Variants in MITF observed in about 807,000 individuals in gnomAD.
MITF encodes microphthalmia-associated transcription factor.
Under a neutral mutation model 60.5 loss-of-function variants are expected in MITF, and 17 were observed. That is an observed-to-expected ratio of 0.28 (90% confidence interval 0.19 to 0.42). The LOEUF (loss-of-function observed/expected upper bound fraction) is 0.42, where lower values mean the gene tolerates loss of function less well. MITF is among the 10% of genes least tolerant of loss of function. The pLI, the probability that MITF is intolerant of heterozygous loss-of-function variation, is 1.00. For synonymous variants in MITF, 260 were observed against 248.5 expected, an observed-to-expected ratio of 1.05 and a Z score of -0.43; for missense variants, 622 against 683.5, an observed-to-expected ratio of 0.91 and a Z score of 1.00.
At chr3:69,757,759 T>C (rs2062147808) in intron 1 of MITF, among the ~76,000 whole-genome samples, 1 of 152,074 alleles carries the variant, frequency 6.6e-6, no homozygotes, top group African/African-American at 2.4e-5. Context: ...GGAGTTATGG[T>C]TTGAGAATTA....
At chr3:69,895,655 A>T (rs1000735895) in intron 2 of MITF, among the ~76,000 whole-genome samples, 4 of 152,132 alleles carry the variant, frequency 2.6e-5, no homozygotes, top group African/African-American at 4.8e-5. Flanking sequence ...AATAAAGGCT[A>T]TGGATGCTTT....
At chr3:69,831,335 C>T (rs933954257) in intron 1 of MITF, among the ~76,000 whole-genome samples, 3 of 152,150 alleles carry the variant, frequency 2.0e-5, no homozygotes, top group Non-Finnish European at 4.4e-5. Context: ...TAAGGGTTGA[C>T]GTTCTTGTCC....
intron 1 of MITF, among the ~76,000 whole-genome samples, chr3:69,810,153 A>G (rs1212570669): frequency 6.6e-6 from 1 of 152,192 alleles, no homozygotes; most frequent in Non-Finnish European, 1.5e-5. Flanking sequence ...GACTGGCCAG[A>G]AAAACTGGAT....
intron 1 of MITF, among the ~76,000 whole-genome samples, chr3:69,794,964 A>T (rs1421796777): frequency 6.6e-6 from 1 of 152,214 alleles, no homozygotes; most frequent in African/African-American, 2.4e-5. Context: ...CTGTGTGAGT[A>T]GTAGGCTCTG....
chr3:69,773,851 T>C (rs571978629), intron 1 of MITF, among the ~76,000 whole-genome samples: 3 of 152,328 alleles, frequency 2.0e-5, no homozygotes, highest in Admixed American at 2.0e-4. Context: ...ATACTATTTT[T>C]TGTTATAGAA....
intron 1 of MITF, among the ~76,000 whole-genome samples, chr3:69,782,346 T>C (rs1377734168): frequency 1.3e-5 from 2 of 152,338 alleles, no homozygotes; most frequent in East Asian, 3.9e-4. Context: ...CCTATACCCA[T>C]ACACCTGACC....
At chr3:69,871,885 T>C (rs2064245511) in intron 1 of MITF, among the ~76,000 whole-genome samples, 1 of 152,226 alleles carries the variant, frequency 6.6e-6, no homozygotes, top group Non-Finnish European at 1.5e-5. Context: ...AATTGCTTTT[T>C]CTTTTAAAAT....
At chr3:69,814,752 A>G (rs143725556) in intron 1 of MITF, among the ~76,000 whole-genome samples, 47 of 152,228 alleles carry the variant, frequency 3.1e-4, no homozygotes, top group African/African-American at 1.1e-3. Flanking sequence ...CGGCATGTAA[A>G]AAGAAGGTGC....
intron 1 of MITF, among the ~76,000 whole-genome samples, chr3:69,859,856 G>A (rs749215665): frequency 3.6e-4 from 55 of 151,998 alleles, no homozygotes; most frequent in Admixed American, 2.0e-4. Flanking sequence ...CATAAATTGA[G>A]ATAAAAACAC....
chr3:69,959,223 A>T (rs764217404), intron 8 of MITF, 50 bp from the exon 9 acceptor site: 1 of 1,606,732 alleles, frequency 6.2e-7, no homozygotes, highest in East Asian at 2.2e-5. Flanking sequence ...TTGAATTTTC[A>T]TTGAGCCTCA....
intron 2 of MITF, among the ~76,000 whole-genome samples, chr3:69,931,008 A>G (rs1237628568): frequency 6.6e-6 from 1 of 152,274 alleles, no homozygotes; most frequent in African/African-American, 2.4e-5. Flanking sequence ...GTTTAAAAGC[A>G]AAAGAAAACT....
chr3:69,916,555 TAA>T (rs2065339778), intron 2 of MITF, among the ~76,000 whole-genome samples: 1 of 152,236 alleles, frequency 6.6e-6, no homozygotes, highest in African/African-American at 2.4e-5. Context: ...TAAAAAATTT[TAA>T]ACATTTTATG....
At chr3:69,761,129 A>G (rs1003996369) in intron 1 of MITF, among the ~76,000 whole-genome samples, 4 of 152,136 alleles carry the variant, frequency 2.6e-5, no homozygotes, top group African/African-American at 4.8e-5. Flanking sequence ...ATATATTTCT[A>G]TAGTATTCTT....
rs114827487 is a variant in MITF, at chr3:69,959,514, C to T, written c.1179+94C>T. On this transcript the variant is annotated intron_variant, in intron 9 of 9. Coordinates refer to ENST00000352241, the MANE Select transcript of MITF (RefSeq NM_001354604.2). ...AATGAGCCATAGGGGAGTTGACTTA[C>T]GTGATCCTAACACAGTCAATCCTTA... The T allele has an allele frequency of 1.1e-3, 1,646 of 1,444,506 alleles. 11 individuals are homozygous for T. In the African/African-American group the frequency reaches 0.019, roughly 17 times the overall value. 89.5% of individuals were successfully genotyped at this position (1,444,506 alleles called of 1,614,324 possible).
chr3:69,849,701 C>G (rs2063793358), intron 1 of MITF, among the ~76,000 whole-genome samples: 1 of 152,204 alleles, frequency 6.6e-6, no homozygotes, highest in African/African-American at 2.4e-5. Context: ...CTTGCTACAT[C>G]CTTTCTAGAA....
intron 1 of MITF, among the ~76,000 whole-genome samples, chr3:69,792,998 CTTTTTTTTTTT>C (rs58440406): frequency 8.7e-4 from 27 of 31,076 alleles, no homozygotes; most frequent in African/African-American, 2.9e-3. Flanking sequence ...AAGTCTTTAG[CTTTTTTTTTTT>C]TTTTTTTTTT....
chr3:69,844,135 G>A (rs1240544354), intron 1 of MITF, among the ~76,000 whole-genome samples: 1 of 152,102 alleles, frequency 6.6e-6, no homozygotes, highest in Non-Finnish European at 1.5e-5. Flanking sequence ...TCTTTATCCA[G>A]TCTATTATTG....
intron 2 of MITF, among the ~76,000 whole-genome samples, chr3:69,880,393 A>C (rs1185073878): frequency 2.0e-5 from 3 of 152,154 alleles, no homozygotes; most frequent in African/African-American, 2.4e-5. Context: ...TTAAAAAACA[A>C]ATCAAGAGTC....
chr3:69,812,138 G>A (rs1429672170), intron 1 of MITF, among the ~76,000 whole-genome samples: 2 of 152,144 alleles, frequency 1.3e-5, no homozygotes, highest in Non-Finnish European at 2.9e-5. Context: ...AATGGGGTAA[G>A]GAGAATAAGC....
Sources: gnomAD v4.1 joint callset for allele counts (sites outside exome capture counted in the v4.1 genomes callset) on GRCh38, gnomAD v4.1.1 for gene constraint, MANE v1.5 for transcripts, NCBI Gene and HGNC (gene_info 2026-07-23, HGNC 2026-07-21) for gene names.